Variants in ADAMTS9 observed in about 807,000 individuals in gnomAD.
The protein encoded by ADAMTS9 is A disintegrin and metalloproteinase with thrombospondin motifs 9.
A neutral mutation model predicts 257.1 loss-of-function variants in ADAMTS9; 107 were observed. The ratio of observed to expected loss-of-function variants is 0.42; its 90% CI spans 0.36 to 0.49. The LOEUF is 0.49. ADAMTS9 is among the 20% of genes least tolerant of loss of function. The probability of loss-of-function intolerance (pLI) is 0.03; values close to 1 mark genes in which losing one functional copy is unlikely to be tolerated. For missense variants in ADAMTS9, 2,353 were observed against 2,469.1 expected, an observed-to-expected ratio of 0.95 and a Z score of 1.00; for synonymous variants, 982 against 880.9, an observed-to-expected ratio of 1.11 and a Z score of -2.03.
At position 64,681,267 on chromosome 3, in the gene ADAMTS9, T is replaced by C. The variant is rs1164991987; in HGVS notation, c.613A>G (p.Ile205Val). 1.2e-5 allele frequency: 20 copies of C among 1,614,074 alleles called. No homozygotes were observed. The highest frequency in any genetic ancestry group is 1.7e-5 in the Non-Finnish European group (20 of 1,179,956). The change falls in exon 3 of 40, where the codon ATC (isoleucine) becomes GTC (valine). Residue 205 changes from isoleucine to valine, a missense_variant. Physicochemically the swap from Ile to Val is conservative, Grantham distance 29. This residue lies in a region of ADAMTS9 where 591 missense variants were observed against 569.6 expected (regional missense o/e 1.04). Coordinates refer to ENST00000498707, the MANE Select transcript of ADAMTS9 (RefSeq NM_182920.2). The part of the protein sequence containing the change: ...EDEEEQNKPH[I>V]IYRRSAPQRE... Reference sequence around the variant, plus strand: ...TGGGGGGCGCTGCGCCTATAAATGATGTGGGGTTTGTTTTGTTCCTCTTCA... The same window carrying C: ...TGGGGGGCGCTGCGCCTATAAATGACGTGGGGTTTGTTTTGTTCCTCTTCA...
intron 30 of ADAMTS9, among the ~76,000 whole-genome samples, chr3:64,552,467 T>C (rs2083281737): frequency 6.6e-6 from 1 of 152,220 alleles, no homozygotes; most frequent in South Asian, 2.1e-4. Flanking sequence ...CAAGGACTGC[T>C]GCAGTTTCTT....
chr3:64,552,837 G>A (rs780459713), intron 30 of ADAMTS9, among the ~76,000 whole-genome samples: 3 of 152,238 alleles, frequency 2.0e-5, no homozygotes, highest in East Asian at 1.9e-4. Context: ...GATTACAGGC[G>A]TCAGCCATCA....
chr3:64,546,363 A>G (rs1365236143), intron 32 of ADAMTS9, among the ~76,000 whole-genome samples: 1 of 152,190 alleles, frequency 6.6e-6, no homozygotes, highest in African/African-American at 2.4e-5. Flanking sequence ...GACACTAAAA[A>G]ATGTTTGGAT....
intron 30 of ADAMTS9, among the ~76,000 whole-genome samples, chr3:64,553,482 G>T (rs927593630): frequency 6.6e-6 from 1 of 151,946 alleles, no homozygotes; most frequent in African/African-American, 2.4e-5. Context: ...TTCTCATTTG[G>T]CTATTGTAAA....
At chr3:64,658,294 G>A (rs1367067677) in intron 4 of ADAMTS9, among the ~76,000 whole-genome samples, 3 of 152,164 alleles carry the variant, frequency 2.0e-5, no homozygotes, top group African/African-American at 4.8e-5. Flanking sequence ...GAAGCACATT[G>A]TCTAACACAG....
intron 19 of ADAMTS9, among the ~76,000 whole-genome samples, chr3:64,618,249 C>T (rs923465964): frequency 2.0e-5 from 3 of 152,188 alleles, no homozygotes; most frequent in Non-Finnish European, 4.4e-5. Flanking sequence ...AAGACCTGGA[C>T]ATAATCCCTT....
In ADAMTS9 at chr3:64,651,060, T is replaced by C; in HGVS notation, c.1420A>G (p.Met474Val). ...PTLNFYTNPW[M>V]WSKCSRKYIT... ...TATTTTCGACTACACTTTGACCACA[T>C]CCAGGGGTTGGTGTAGAAGTTCAGT... The change falls in exon 9 of 40, where the codon ATG becomes GTG. Residue 474 changes from methionine (M) to valine (V), a missense_variant. Physicochemically the swap from Met to Val is conservative, Grantham distance 21 (BLOSUM62 1). Transcript: ENST00000498707. 1.2e-6 allele frequency: 2 copies of C among 1,607,856 alleles called. No homozygotes were observed. The highest frequency in any genetic ancestry group is 1.7e-6 in the Non-Finnish European group (2 of 1,177,938).
chr3:64,617,798 A>G (rs1559794336), intron 19 of ADAMTS9, among the ~76,000 whole-genome samples: 1 of 152,206 alleles, frequency 6.6e-6, no homozygotes, highest in Non-Finnish European at 1.5e-5. Context: ...ATTCTTGGTA[A>G]GTCTTGTCAG....
intron 19 of ADAMTS9, among the ~76,000 whole-genome samples, chr3:64,620,428 G>A (rs1700076948): frequency 6.6e-6 from 1 of 152,080 alleles, no homozygotes; most frequent in Admixed American, 6.5e-5. Context: ...CTTAAAAGGA[G>A]GACAAAACAG....
chr3:64,600,618 A>G (rs1173102304), intron 26 of ADAMTS9, among the ~76,000 whole-genome samples: 1 of 152,216 alleles, frequency 6.6e-6, no homozygotes, highest in Non-Finnish European at 1.5e-5. Flanking sequence ...ACCATGAGAC[A>G]CTCGGTGATT....
chr3:64,524,319 C>A (rs1267809089), intron 38 of ADAMTS9, among the ~76,000 whole-genome samples: 1 of 152,142 alleles, frequency 6.6e-6, no homozygotes, highest in Non-Finnish European at 1.5e-5. Flanking sequence ...AGGCAACTAT[C>A]AAGAGAAAAC....
At chr3:64,641,371 C>T (rs1700635487) in intron 12 of ADAMTS9, among the ~76,000 whole-genome samples, 1 of 150,702 alleles carries the variant, frequency 6.6e-6, no homozygotes, top group South Asian at 2.1e-4. Flanking sequence ...GCACAATGTG[C>T]AGGTTAGTTA....
At chr3:64,571,141 C>T (rs2106694733) in intron 28 of ADAMTS9, among the ~76,000 whole-genome samples, 1 of 152,286 alleles carries the variant, frequency 6.6e-6, no homozygotes, top group Admixed American at 6.5e-5. Flanking sequence ...TCAGAAGTTA[C>T]AGCCTAAAAG....
At position 64,546,881 on chromosome 3, in the gene ADAMTS9, C is replaced by T; in HGVS notation, c.4941G>A (p.Glu1647=). 1 of 1,614,134 alleles carries T rather than the reference C, an allele frequency of 6.2e-7. No homozygotes were observed. Among genetic ancestry groups the T allele is most frequent in the South Asian group, 1.1e-5 (1 of 91,072 alleles). Residue 1647 remains glutamate (E), a synonymous_variant, in exon 32 of 40, where the codon GAG becomes GAA. Transcript: ENST00000498707. ...VSCSEIYTGK[E]NYEYSYQTTI... ...TGGTTTGGTAGCTGTATTCATAATTCTCCTTCCCGGTGTAAATCTCGCTGC... is the reference window on the plus strand; with the variant it reads ...TGGTTTGGTAGCTGTATTCATAATTTTCCTTCCCGGTGTAAATCTCGCTGC...
chr3:64,616,275 A>G, intron 19 of ADAMTS9, 105 bp from the exon 20 acceptor site: 1 of 1,227,616 alleles, frequency 8.1e-7, no homozygotes, highest in Non-Finnish European at 1.2e-6. Context: ...TTTCTTTCTT[A>G]ACTCGAATAC....
rs1024997127 is a variant in ADAMTS9, at chr3:64,687,854, G to A, written c.-197C>T. 1.8e-5 allele frequency: 8 copies of A among 455,392 alleles called. No individual in the cohort carries two copies. The highest frequency in any genetic ancestry group is 3.2e-5 in the Non-Finnish European group (8 of 252,920). 28.2% of individuals were successfully genotyped at this position (455,392 alleles called of 1,614,324 possible). A position where few individuals can be genotyped will look rare whatever the true frequency, so the allele number is the denominator to read the frequency against. On this transcript the variant is annotated 5_prime_UTR_variant, in exon 1 of 40. Coordinates refer to ENST00000498707, the MANE Select transcript of ADAMTS9 (RefSeq NM_182920.2). This position sits in a 1 kb window ranked among gnomAD's most constrained non-coding sequence, Gnocchi z 4.4. ...CGGCTGAGCAACGCCGCCGCCTGCC[G>A]AGAGCTGAGCCGCTCGGGCCGCAGG...
chr3:64,564,586 G>A (rs2083493109), intron 29 of ADAMTS9, among the ~76,000 whole-genome samples: 2 of 151,786 alleles, frequency 1.3e-5, no homozygotes, highest in Non-Finnish European at 2.9e-5. Flanking sequence ...AGTATACTGA[G>A]GTTTCTCAAT....
chr3:64,546,623 G>A, intron 32 of ADAMTS9, 135 bp downstream of exon 32: 2 of 895,396 alleles, frequency 2.2e-6, no homozygotes, highest in Middle Eastern at 3.5e-4. Context: ...ATCCCTGTTA[G>A]CCCATTTCAA....
At chr3:64,626,414 G>A (rs966166532) in intron 16 of ADAMTS9, among the ~76,000 whole-genome samples, 5 of 152,118 alleles carry the variant, frequency 3.3e-5, no homozygotes, top group Non-Finnish European at 4.4e-5. Flanking sequence ...TAGAAACTAA[G>A]TATGTTTGTG....
Sources: gnomAD v4.1 joint callset for allele counts (sites outside exome capture counted in the v4.1 genomes callset) on GRCh38, gnomAD v4.1.1 for gene constraint, gnomAD v4.1.1 regional missense constraint, Gnocchi (gnomAD v3.1) non-coding constraint, MANE v1.5 for transcripts, NCBI Gene and HGNC (gene_info 2026-07-23, HGNC 2026-07-21) for gene names.